B3GALT1: variants seen among roughly 807,000 people sequenced by gnomAD.
B3GALT1 encodes UDP-Gal:betaGlcNAc beta 1,3-galactosyltransferase, polypeptide 1.
A neutral mutation model predicts 23.2 loss-of-function variants in B3GALT1; 10 were observed. That is an observed-to-expected ratio of 0.43 (90% CI 0.27 to 0.73). B3GALT1 has a LOEUF of 0.73. B3GALT1 is among the 30% of genes least tolerant of loss of function. The pLI is 0.21. For missense variants in B3GALT1, 299 were observed against 405.4 expected (o/e 0.74, Z 2.25); for synonymous variants, 156 against 141.5 (o/e 1.10, Z -0.73).
intron 3 of B3GALT1, among the ~76,000 whole-genome samples, chr2:167,800,348 T>G (rs993632801): frequency 4.6e-5 from 7 of 152,134 alleles, no homozygotes; most frequent in Non-Finnish European, 8.8e-5. Context: ...CACAATCAAA[T>G]AATCTCTGGA....
In B3GALT1 at chr2:167,304,983, T is replaced by C. The variant is rs114052119; in HGVS notation, c.-511+11649T>C. Among the ~76,000 whole-genome samples, 1,024 of 152,290 alleles carry C rather than the reference T, an allele frequency of 6.7e-3. 11 individuals carry two copies. Among genetic ancestry groups the C allele is most frequent in the African/African-American group, 0.023 (954 of 41,588 alleles). The stretch of plus-strand genomic sequence containing the variant: ...AATTCACCCTTCCTCTGACATTTTG[T>C]TCTATTCTCACCCTCAAAGGATTGC... On this transcript the variant is annotated intron_variant, in intron 1 of 4. Transcript: ENST00000392690.
intron 2 of B3GALT1, among the ~76,000 whole-genome samples, chr2:167,579,251 A>G (rs1684437984): frequency 6.6e-6 from 1 of 151,962 alleles, no homozygotes; most frequent in African/African-American, 2.4e-5. Context: ...CCTCTTTTCA[A>G]TCCTTTCCTC....
At chr2:167,418,717 G>A (rs561099589) in intron 1 of B3GALT1, among the ~76,000 whole-genome samples, 29 of 142,746 alleles carry the variant, frequency 2.0e-4, no homozygotes, top group East Asian at 6.1e-4. Context: ...TACTCTTGTC[G>A]CCCAGGCTGG....
At chr2:167,513,641 T>A (rs1434349093) in intron 2 of B3GALT1, among the ~76,000 whole-genome samples, 1 of 152,142 alleles carries the variant, frequency 6.6e-6, no homozygotes, top group Admixed American at 6.5e-5. Context: ...AAATACATAG[T>A]ATGGATGGGA....
chr2:167,735,261 A>G (rs1293434287), intron 3 of B3GALT1, among the ~76,000 whole-genome samples: 1 of 152,208 alleles, frequency 6.6e-6, no homozygotes, highest in Non-Finnish European at 1.5e-5. Flanking sequence ...GTTATATCAA[A>G]TTCTGCTTTT....
At chr2:167,341,682 C>T (rs1308350242) in intron 1 of B3GALT1, among the ~76,000 whole-genome samples, 4 of 152,010 alleles carry the variant, frequency 2.6e-5, no homozygotes, top group Admixed American at 2.6e-4. Context: ...AAAAAGATTA[C>T]TGCTCAGCCT....
At chr2:167,448,338 C>T (rs1699035386) in intron 1 of B3GALT1, among the ~76,000 whole-genome samples, 1 of 151,940 alleles carries the variant, frequency 6.6e-6, no homozygotes, top group African/African-American at 2.4e-5. Flanking sequence ...GGTGGTATTA[C>T]ATTGTGGTTT....
At chr2:167,575,108 G>T (rs1350906218) in intron 2 of B3GALT1, among the ~76,000 whole-genome samples, 1 of 151,722 alleles carries the variant, frequency 6.6e-6, no homozygotes, top group African/African-American at 2.4e-5. Flanking sequence ...TCTGTAAAAT[G>T]GGAATGATAG....
chr2:167,403,004 T>G (rs754748128), intron 1 of B3GALT1, among the ~76,000 whole-genome samples: 1 of 151,834 alleles, frequency 6.6e-6, no homozygotes, highest in Non-Finnish European at 1.5e-5. Context: ...TGAGCAAGAT[T>G]TGGCTAAAGA....
chr2:167,714,596 T>C, intron 3 of B3GALT1: 1 of 1,613,676 alleles, frequency 6.2e-7, no homozygotes, highest in South Asian at 1.1e-5. Flanking sequence ...AAACTCTGTT[T>C]CAGTTAATTT....
intron 3 of B3GALT1, among the ~76,000 whole-genome samples, chr2:167,702,475 T>C (rs765772112): frequency 5.3e-5 from 8 of 152,200 alleles, no homozygotes; most frequent in Non-Finnish European, 8.8e-5. Flanking sequence ...TAGTCATTGG[T>C]TTGTTTTACA....
At chr2:167,533,217 G>C (rs1683360733) in intron 2 of B3GALT1, among the ~76,000 whole-genome samples, 1 of 151,978 alleles carries the variant, frequency 6.6e-6, no homozygotes, top group Admixed American at 6.6e-5. Context: ...CATTTCACTA[G>C]CTAGGATCTC....
intron 1 of B3GALT1, among the ~76,000 whole-genome samples, chr2:167,429,061 C>T (rs1261661673): frequency 2.6e-5 from 4 of 152,046 alleles, no homozygotes; most frequent in Middle Eastern, 6.8e-3. Flanking sequence ...AGGCGGATCA[C>T]GAGGTCAGGA....
chr2:167,538,345 A>G (rs1444483536), intron 2 of B3GALT1, among the ~76,000 whole-genome samples: 1 of 152,222 alleles, frequency 6.6e-6, no homozygotes, highest in Admixed American at 6.5e-5. Context: ...TATGCTTTTA[A>G]AGTATGTATC....
intron 1 of B3GALT1, among the ~76,000 whole-genome samples, chr2:167,352,022 C>T (rs1267392578): frequency 3.4e-5 from 5 of 146,938 alleles, no homozygotes; most frequent in Non-Finnish European, 7.4e-5. Flanking sequence ...TGTAGTGGCA[C>T]GATCTTGGCT....
At chr2:167,484,487 C>G (rs571185264) in intron 1 of B3GALT1, among the ~76,000 whole-genome samples, 1 of 152,230 alleles carries the variant, frequency 6.6e-6, no homozygotes, top group East Asian at 1.9e-4. Context: ...ATGAGTTATA[C>G]ATTGTTTGAA....
At chr2:167,734,508 A>G (rs982613509) in intron 3 of B3GALT1, among the ~76,000 whole-genome samples, 5 of 152,182 alleles carry the variant, frequency 3.3e-5, no homozygotes, top group Non-Finnish European at 7.3e-5. Flanking sequence ...AATGACAAGA[A>G]TGAGACCCCC....
chr2:167,439,394 G>A lies in B3GALT1; in HGVS notation c.-510-50783G>A, dbSNP rs552432303. ...TCATATTTTCCTAATATGTCATTTT[G>A]TATTTACTTATTTTCAAATGCATAT... On this transcript the variant is annotated intron_variant, in intron 1 of 4. Transcript: ENST00000392690. Among the ~76,000 whole-genome samples the A allele has an allele frequency of 2.0e-3, 301 of 151,966 alleles. 5 individuals are homozygous for A. In the Middle Eastern group the frequency reaches 0.027, roughly 14 times the overall value.
chr2:167,808,513 T>C (rs1241638822), intron 3 of B3GALT1, among the ~76,000 whole-genome samples: 3 of 151,908 alleles, frequency 2.0e-5, no homozygotes, highest in African/African-American at 7.3e-5. Context: ...TGCTTGTCTG[T>C]AAAGTATTTT....
Sources: gnomAD v4.1 joint callset for allele counts (sites outside exome capture counted in the v4.1 genomes callset) on GRCh38, gnomAD v4.1.1 for gene constraint, MANE v1.5 for transcripts, NCBI Gene and HGNC (gene_info 2026-07-23, HGNC 2026-07-21) for gene names.